Variants in CAPN13 observed in about 807,000 individuals in gnomAD.
CAPN13 encodes calpain-13.
Under a neutral mutation model 98.4 loss-of-function variants are expected in CAPN13, and 90 were observed. That is an observed-to-expected ratio of 0.92 (90% CI 0.77 to 1.09). The LOEUF is 1.09. CAPN13 is among the 50% of genes least tolerant of loss of function. The pLI is 0.00. For synonymous variants in CAPN13, 330 were observed against 305.5 expected, an observed-to-expected ratio of 1.08 and a Z score of -0.84; for missense variants, 887 against 841.3, an observed-to-expected ratio of 1.05 and a Z score of -0.67.
At chr2:30,754,505 C>A in intron 8 of CAPN13, 141 bp from the exon 9 acceptor site, 1 of 584,120 alleles carries the variant, frequency 1.7e-6, no homozygotes, top group Non-Finnish European at 2.8e-6. Flanking sequence ...AGGACAGGAC[C>A]CAGTTATTCT....
In CAPN13 at chr2:30,758,280, GA is replaced by G. The variant is rs373361255; in HGVS notation, c.775-144del. 5.5e-3 allele frequency: 3,298 copies of G among 596,886 alleles called. 72 individuals carry two copies. Among genetic ancestry groups the G allele is most frequent in the African/African-American group, 0.054 (2,866 of 52,636 alleles). The allele number at this position is 596,886 out of a possible 1,614,324, so 37.0% of individuals were successfully genotyped here. On this transcript the variant is annotated intron_variant, in intron 7 of 22. Coordinates refer to ENST00000295055, the MANE Select transcript of CAPN13 (RefSeq NM_144575.3). ...TGCAGCCAGAAAAAAAATTGAAAGG[GA>G]AAAAAAAATCAATGTCTCTCTACTG...
chr2:30,770,486 A>T, intron 4 of CAPN13, 37 bp from the exon 5 acceptor site: 2 of 1,605,090 alleles, frequency 1.2e-6, no homozygotes, highest in South Asian at 1.1e-5. Context: ...GACAGAGTTG[A>T]GGCAGAAGGG....
At chr2:30,746,279 C>A (rs1671906651) in intron 11 of CAPN13, among the ~76,000 whole-genome samples, 1 of 152,156 alleles carries the variant, frequency 6.6e-6, no homozygotes, top group African/African-American at 2.4e-5. Context: ...TTATTAGAAA[C>A]AAGATACACC....
At chr2:30,755,176 T>G (rs946086440) in intron 8 of CAPN13, among the ~76,000 whole-genome samples, 1 of 150,312 alleles carries the variant, frequency 6.7e-6, no homozygotes, top group African/African-American at 2.5e-5. Flanking sequence ...CCTGGCGCCC[T>G]CTTCCTCCTC....
At chr2:30,746,576 C>T in intron 11 of CAPN13, 1 of 181,094 alleles carries the variant, frequency 5.5e-6, no homozygotes. Context: ...AGGATGTCAG[C>T]CCACACATCT....
chr2:30,754,650 T>C (rs369146652), intron 8 of CAPN13, among the ~76,000 whole-genome samples: 17 of 152,212 alleles, frequency 1.1e-4, no homozygotes, highest in African/African-American at 4.1e-4. Flanking sequence ...TGTCCCTGAC[T>C]GTACCCATCC....
chr2:30,752,195 G>T (rs1261554951), intron 10 of CAPN13, among the ~76,000 whole-genome samples: 2 of 152,214 alleles, frequency 1.3e-5, no homozygotes, highest in Non-Finnish European at 2.9e-5. Flanking sequence ...GGGACACCCT[G>T]GGTTATGGGC....
chr2:30,757,988 G>A, intron 8 of CAPN13, 58 bp downstream of exon 8: 2 of 1,329,624 alleles, frequency 1.5e-6, no homozygotes, highest in Non-Finnish European at 1.0e-6. Flanking sequence ...ATGGGCAGGA[G>A]GCTCTACCGA....
At chr2:30,765,846 A>G (rs1673083803) in intron 5 of CAPN13, among the ~76,000 whole-genome samples, 1 of 152,254 alleles carries the variant, frequency 6.6e-6, no homozygotes, top group Admixed American at 6.5e-5. Context: ...AGGAGCCCCC[A>G]TGTGACAGAT....
At position 30,758,277 on chromosome 2, in the gene CAPN13, A is replaced by AG. The variant is rs549874409; in HGVS notation, c.775-141dup. ...GGCTGCAGCCAGAAAAAAAATTGAA[A>AG]GGGAAAAAAAAATCAATGTCTCTCT... On this transcript the variant is annotated intron_variant, in intron 7 of 22. Coordinates refer to ENST00000295055, the MANE Select transcript of CAPN13 (RefSeq NM_144575.3). 1.6e-3 allele frequency: 975 copies of AG among 612,976 alleles called. 8 individuals are homozygous for AG. In the African/African-American group the frequency reaches 0.016, roughly 10 times the overall value. 38.0% of individuals were successfully genotyped at this position (612,976 alleles called of 1,614,324 possible).
At chr2:30,732,690 C>A in intron 19 of CAPN13, 124 bp from the exon 20 acceptor site, 1 of 1,278,540 alleles carries the variant, frequency 7.8e-7, no homozygotes, top group Non-Finnish European at 1.1e-6. Flanking sequence ...CCCACTCAGC[C>A]CCCTCCCTTC....
At position 30,754,002 on chromosome 2, in the gene CAPN13, T is replaced by A. The variant is rs1572820316; in HGVS notation, c.941+288A>T. Among the ~76,000 whole-genome samples, 2 of 152,292 alleles carry A rather than the reference T, an allele frequency of 1.3e-5. 1 individual carries two copies. The highest frequency in any genetic ancestry group is 4.1e-4 in the South Asian group (2 of 4,824). On this transcript the variant is annotated intron_variant, in intron 9 of 22. Transcript: ENST00000295055. ...GGGCATGACAACCATGCATCCTAGC[T>A]TCCAGGAAACCACAGATTTCAAGCC...
At chr2:30,798,809 C>A (rs1675022597) in intron 1 of CAPN13, among the ~76,000 whole-genome samples, 1 of 152,102 alleles carries the variant, frequency 6.6e-6, no homozygotes, top group Admixed American at 6.5e-5. Context: ...CCAGCAAAAC[C>A]CATTACTAAT....
chr2:30,768,903 G>C (rs2148033709), intron 5 of CAPN13, among the ~76,000 whole-genome samples: 1 of 152,168 alleles, frequency 6.6e-6, no homozygotes, highest in South Asian at 2.1e-4. Flanking sequence ...AGAATGCCAA[G>C]TGTTTGCCAG....
At chr2:30,804,523 C>T (rs1675488809) in intron 1 of CAPN13, among the ~76,000 whole-genome samples, 1 of 152,090 alleles carries the variant, frequency 6.6e-6, no homozygotes, top group African/African-American at 2.4e-5. Context: ...TCATAACTCT[C>T]TGAGGAGGGA....
At chr2:30,748,416 G>C (rs1672020622) in intron 11 of CAPN13, among the ~76,000 whole-genome samples, 2 of 152,208 alleles carry the variant, frequency 1.3e-5, no homozygotes, top group Non-Finnish European at 2.9e-5. Context: ...AACGTCGATG[G>C]GATGCTAGAA....
intron 7 of CAPN13, among the ~76,000 whole-genome samples, chr2:30,762,461 G>A (rs1359423606): frequency 1.3e-5 from 2 of 152,194 alleles, no homozygotes; most frequent in African/African-American, 4.8e-5. Flanking sequence ...AGACTAATGG[G>A]ATGTGAGAGA....
intron 12 of CAPN13, among the ~76,000 whole-genome samples, chr2:30,744,836 T>G (rs1226609538): frequency 1.3e-5 from 2 of 152,162 alleles, no homozygotes; most frequent in Non-Finnish European, 2.9e-5. Context: ...ATGGGTTCTG[T>G]GCTTTTCCTG....
chr2:30,756,127 T>C (rs367668388), intron 8 of CAPN13, among the ~76,000 whole-genome samples: 2 of 151,990 alleles, frequency 1.3e-5, no homozygotes, highest in African/African-American at 4.8e-5. Context: ...CCCCAGTCCC[T>C]GCTCTGCAAA....
Sources: gnomAD v4.1 joint callset for allele counts (sites outside exome capture counted in the v4.1 genomes callset) on GRCh38, gnomAD v4.1.1 for gene constraint, MANE v1.5 for transcripts, NCBI Gene and HGNC (gene_info 2026-07-23, HGNC 2026-07-21) for gene names.